Variants in DLG2 observed in about 807,000 individuals in gnomAD.
The protein encoded by DLG2 is discs large MAGUK scaffold protein 2.
A neutral mutation model predicts 132.5 loss-of-function variants in DLG2; 45 were observed. The ratio of observed to expected loss-of-function variants is 0.34; its 90% confidence interval spans 0.27 to 0.44. The LOEUF is 0.44. DLG2 is among the 20% of genes least tolerant of loss of function. The pLI is 1.00. For missense variants in DLG2, 1,045 were observed against 1,196.9 expected (o/e 0.87, Z 1.87); for synonymous variants, 424 against 419.6 (o/e 1.01, Z -0.13).
intron 15 of DLG2, among the ~76,000 whole-genome samples, chr11:83,914,815 T>C (rs1362741029): frequency 6.6e-6 from 1 of 152,096 alleles, no homozygotes; most frequent in Non-Finnish European, 1.5e-5. Context: ...TTCAGAGCAT[T>C]TGAGGATCGA....
At chr11:84,420,908 T>C (rs978476263) in intron 7 of DLG2, among the ~76,000 whole-genome samples, 4 of 152,012 alleles carry the variant, frequency 2.6e-5, no homozygotes, top group Non-Finnish European at 5.9e-5. Context: ...GACCTCGTGA[T>C]CTGCCCGCCT....
intron 17 of DLG2, among the ~76,000 whole-genome samples, chr11:83,802,485 AC>A (rs1350315842): frequency 1.1e-4 from 17 of 152,162 alleles, no homozygotes; most frequent in African/African-American, 3.6e-4. Flanking sequence ...AATTTGCTCA[AC>A]ATGTTCTCCC....
intron 15 of DLG2, among the ~76,000 whole-genome samples, chr11:83,899,944 G>T (rs4587748): frequency 6.6e-6 from 1 of 152,170 alleles, no homozygotes; most frequent in Non-Finnish European, 1.5e-5. Flanking sequence ...TGGTTGAATG[G>T]CTTTGACAAA....
At chr11:85,035,468 A>T (rs1001900506) in intron 6 of DLG2, among the ~76,000 whole-genome samples, 2 of 152,144 alleles carry the variant, frequency 1.3e-5, no homozygotes, top group Non-Finnish European at 2.9e-5. Context: ...CACGTCTTAC[A>T]TGGCGGCAGG....
intron 3 of DLG2, among the ~76,000 whole-genome samples, chr11:85,430,428 A>G (rs1190325178): frequency 6.6e-6 from 1 of 152,186 alleles, no homozygotes; most frequent in Non-Finnish European, 1.5e-5. Flanking sequence ...AAAATAAAAA[A>G]TTAGGAAAAA....
At chr11:84,123,494 AT>A (rs1245188010) in intron 9 of DLG2, among the ~76,000 whole-genome samples, 2 of 152,186 alleles carry the variant, frequency 1.3e-5, no homozygotes, top group African/African-American at 4.8e-5. Context: ...ATAAGGCCTC[AT>A]TGGCAGATGA....
At chr11:84,752,689 G>C (rs1018166060) in intron 6 of DLG2, among the ~76,000 whole-genome samples, 2 of 144,378 alleles carry the variant, frequency 1.4e-5, no homozygotes, top group Non-Finnish European at 3.0e-5. Flanking sequence ...TCTAGCATTA[G>C]GTATATCTCC....
At chr11:83,507,726 G>A (rs932497859) in intron 21 of DLG2, among the ~76,000 whole-genome samples, 2 of 124,080 alleles carry the variant, frequency 1.6e-5, no homozygotes, top group African/African-American at 5.9e-5. Context: ...ATGCGATATT[G>A]TTTTTTATTT....
At chr11:84,728,079 ATTTC>A (rs1186227606) in intron 6 of DLG2, among the ~76,000 whole-genome samples, 1 of 152,074 alleles carries the variant, frequency 6.6e-6, no homozygotes, top group African/African-American at 2.4e-5. Flanking sequence ...AATACCCTTT[ATTTC>A]TTTATCTTGC....
intron 9 of DLG2, among the ~76,000 whole-genome samples, chr11:84,121,038 C>T (rs1036666250): frequency 2.0e-5 from 3 of 152,160 alleles, no homozygotes; most frequent in Non-Finnish European, 4.4e-5. Context: ...TTTATTCATT[C>T]ATTTATTCAC....
At chr11:84,402,401 C>T (rs1281845783) in intron 7 of DLG2, among the ~76,000 whole-genome samples, 1 of 152,056 alleles carries the variant, frequency 6.6e-6, no homozygotes, top group Non-Finnish European at 1.5e-5. Context: ...AAATTTAAGG[C>T]TGATTGATAT....
At chr11:84,502,219 CTT>C (rs2099212644) in intron 7 of DLG2, among the ~76,000 whole-genome samples, 1 of 4,710 alleles carries the variant, frequency 2.1e-4, no homozygotes, top group Non-Finnish European at 4.0e-4. Flanking sequence ...TCCTTCCTTC[CTT>C]CCTTCCTTCC....
chr11:84,460,119 A>G (rs1423239206), intron 7 of DLG2, among the ~76,000 whole-genome samples: 1 of 150,558 alleles, frequency 6.6e-6, no homozygotes, highest in Non-Finnish European at 1.5e-5. Flanking sequence ...TTAGAATGAT[A>G]CTTTTTTATT....
At chr11:85,274,073 G>C (rs2077723683) in intron 4 of DLG2, among the ~76,000 whole-genome samples, 3 of 152,100 alleles carry the variant, frequency 2.0e-5, no homozygotes, top group Admixed American at 2.0e-4. Context: ...CTTGGACACA[G>C]GGTGGGGAAC....
At chr11:85,023,578 A>G (rs2060260173) in intron 6 of DLG2, among the ~76,000 whole-genome samples, 2 of 152,100 alleles carry the variant, frequency 1.3e-5, no homozygotes, top group South Asian at 4.1e-4. Flanking sequence ...ATAAATACAC[A>G]AACAAAATAG....
chr11:85,055,189 T>C (rs1316972511), intron 6 of DLG2, among the ~76,000 whole-genome samples: 1 of 152,176 alleles, frequency 6.6e-6, no homozygotes, highest in Non-Finnish European at 1.5e-5. Flanking sequence ...TTCTGCATTA[T>C]AACTTTTCTT....
intron 6 of DLG2, among the ~76,000 whole-genome samples, chr11:84,841,006 A>T (rs981909149): frequency 6.7e-6 from 1 of 150,106 alleles, no homozygotes; most frequent in Non-Finnish European, 1.5e-5. Flanking sequence ...AAAAAAAAAT[A>T]GTAAAAAAAA....
intron 3 of DLG2, among the ~76,000 whole-genome samples, chr11:85,545,051 C>A (rs1485146189): frequency 6.6e-6 from 1 of 152,218 alleles, no homozygotes; most frequent in Non-Finnish European, 1.5e-5. Flanking sequence ...TGAAAGAGGG[C>A]ATCCTTGTGT....
chr11:83,734,405 TTC>T lies in DLG2; in HGVS notation c.1825+52283_1825+52284del, dbSNP rs1566753829. On this transcript the variant is annotated intron_variant, in intron 18 of 27. Coordinates refer to ENST00000376104, the MANE Select transcript of DLG2 (RefSeq NM_001142699.3). ...CTTCCTTCCTTCCTTCCTTCCTTCCTTCCCTCCCTCCTTCCCTCCCTCCTTCC... is the reference window on the plus strand; with the variant it reads ...CTTCCTTCCTTCCTTCCTTCCTTCCTCCTCCCTCCTTCCCTCCCTCCTTCC... Among the ~76,000 whole-genome samples, 7 of 112,492 alleles carry T rather than the reference TTC, an allele frequency of 6.2e-5. 1 individual carries two copies. Among genetic ancestry groups the T allele is most frequent in the Admixed American group, 1.9e-4 (2 of 10,492 alleles). 73.8% of individuals were successfully genotyped at this position (112,492 alleles called of 152,430 possible). A position where few individuals can be genotyped will look rare whatever the true frequency, so the allele number is the denominator to read the frequency against.
Sources: allele counts gnomAD v4.1 joint callset (sites outside exome capture counted in the v4.1 genomes callset), GRCh38; gene constraint gnomAD v4.1.1; transcripts MANE v1.5; gene names NCBI Gene and HGNC (gene_info 2026-07-23, HGNC 2026-07-21).